ARMH4: variants seen among roughly 807,000 people sequenced by gnomAD.
ARMH4 encodes armadillo like helical domain containing 4, also known as armadillo-like helical domain-containing protein 4.
In ARMH4, 49 loss-of-function variants were observed where a neutral mutation model predicts 61.9. The observed-to-expected ratio is 0.79, with a 90% CI of 0.63 to 1.00. The LOEUF (loss-of-function observed/expected upper bound fraction) is 1.00. ARMH4 is among the 50% of genes least tolerant of loss of function. The pLI, the probability that ARMH4 is intolerant of heterozygous loss-of-function variation, is 0.00. For synonymous variants in ARMH4, 368 were observed against 341.5 expected (o/e 1.08, Z -0.85); for missense variants, 934 against 930.0 (o/e 1.00, Z -0.06).
chr14:58,021,113 C>T lies in ARMH4; in HGVS notation c.2090-8963G>A, dbSNP rs555305101. 2.6e-5 allele frequency among the ~76,000 whole-genome samples: 4 copies of T among 152,334 alleles called. No individual in the cohort carries two copies. In the South Asian group the frequency reaches 8.3e-4, roughly 32 times the overall value. On this transcript the variant is annotated intron_variant, in intron 5 of 7. Coordinates refer to ENST00000267485, the MANE Select transcript of ARMH4 (RefSeq NM_001001872.4). ...GGACTTATTGTTCCATTTAGGCCTTCAGTGGATTGGATGAAGCCCACCTAC... is the reference window on the plus strand; with the variant it reads ...GGACTTATTGTTCCATTTAGGCCTTTAGTGGATTGGATGAAGCCCACCTAC...
chr14:58,112,394 T>A (rs1466338840), intron 4 of ARMH4, among the ~76,000 whole-genome samples: 2 of 152,048 alleles, frequency 1.3e-5, no homozygotes, highest in African/African-American at 2.4e-5. Flanking sequence ...CTCTTAAATT[T>A]TACCACGCAT....
chr14:58,058,601 G>C (rs1047725501), intron 5 of ARMH4, among the ~76,000 whole-genome samples: 1 of 152,078 alleles, frequency 6.6e-6, no homozygotes, highest in Non-Finnish European at 1.5e-5. Context: ...AAACTGTCAC[G>C]GCACTGGTGG....
intron 5 of ARMH4, among the ~76,000 whole-genome samples, chr14:58,032,912 A>C (rs567630299): frequency 6.6e-6 from 1 of 151,464 alleles, no homozygotes; most frequent in Non-Finnish European, 1.5e-5. Context: ...CGCCCACGGA[A>C]TCTCGCTGAT....
At chr14:58,058,809 G>A (rs1884430944) in intron 5 of ARMH4, among the ~76,000 whole-genome samples, 1 of 152,138 alleles carries the variant, frequency 6.6e-6, no homozygotes, top group South Asian at 2.1e-4. Context: ...ATCTTCAGTT[G>A]ATTGAATTCA....
chr14:58,150,919 G>A (rs566468645), intron 1 of ARMH4, among the ~76,000 whole-genome samples: 1 of 152,300 alleles, frequency 6.6e-6, no homozygotes, highest in South Asian at 2.1e-4. Context: ...GACTGTAGAT[G>A]CTTGGCTAAA....
intron 5 of ARMH4, among the ~76,000 whole-genome samples, chr14:58,027,391 G>A (rs1479222760): frequency 6.6e-6 from 1 of 152,184 alleles, no homozygotes; most frequent in Non-Finnish European, 1.5e-5. Context: ...GGAGTCCTCT[G>A]AAGTTTTGTT....
At chr14:58,131,440 C>A (rs2139956520) in intron 4 of ARMH4, 72 bp downstream of exon 4, 4 of 1,284,242 alleles carry the variant, frequency 3.1e-6, no homozygotes, top group East Asian at 4.8e-5. Flanking sequence ...CTACTTAATT[C>A]TTTTTCAAAA....
In ARMH4 at chr14:58,001,663, G is replaced by A. The variant is rs942833203; in HGVS notation, c.*3073C>T. The A allele has an allele frequency of 2.6e-5, 4 of 152,150 alleles. No individual in the cohort carries two copies. Among genetic ancestry groups the A allele is most frequent in the African/African-American group, 9.7e-5 (4 of 41,416 alleles). 9.4% of individuals were successfully genotyped at this position (152,150 alleles called of 1,614,324 possible). Reference sequence around the variant, plus strand: ...ACCTTGTCTCTATCATAAGGAAGTGGTTCTCTAGATAGATCCCTCCTAGCT... The same window carrying A: ...ACCTTGTCTCTATCATAAGGAAGTGATTCTCTAGATAGATCCCTCCTAGCT... On this transcript the variant is annotated 3_prime_UTR_variant, in exon 8 of 8. Transcript: ENST00000267485.
chr14:58,055,759 G>A (rs537100207), intron 5 of ARMH4, among the ~76,000 whole-genome samples: 18 of 152,340 alleles, frequency 1.2e-4, no homozygotes, highest in Non-Finnish European at 1.9e-4. Flanking sequence ...AAGCACTGCT[G>A]TACTTATTTG....
intron 5 of ARMH4, among the ~76,000 whole-genome samples, chr14:58,073,606 AAT>A (rs1006105038): frequency 1.3e-5 from 2 of 152,252 alleles, no homozygotes; most frequent in African/African-American, 4.8e-5. Flanking sequence ...GGGAAAAAAA[AAT>A]AGTCTTCTAA....
chr14:58,115,032 G>A lies in ARMH4; in HGVS notation c.1831+16480C>T, dbSNP rs367983396. Among the ~76,000 whole-genome samples the A allele has an allele frequency of 8.3e-4, 127 of 152,186 alleles. 2 individuals are homozygous for A. The South Asian group carries it at 8.5e-3, about 10-fold the overall frequency. On this transcript the variant is annotated intron_variant, in intron 4 of 7. Transcript: ENST00000267485. ...AAAACCATTCTGGACATTGGCCTTG[G>A]CAAAGAATTTATGACTAAGTCCCCA...
chr14:58,006,759 G>C (rs1477014147), intron 6 of ARMH4, among the ~76,000 whole-genome samples: 1 of 143,302 alleles, frequency 7.0e-6, no homozygotes, highest in Non-Finnish European at 1.5e-5. Context: ...GGGCCCTGTC[G>C]TGGGGTGAGG....
intron 5 of ARMH4, among the ~76,000 whole-genome samples, chr14:58,088,442 G>A (rs543690416): frequency 1.3e-5 from 2 of 150,926 alleles, no homozygotes; most frequent in Admixed American, 6.6e-5. Flanking sequence ...GCACCAGGGT[G>A]TCTTAGCTAA....
At chr14:58,114,192 A>G (rs891775909) in intron 4 of ARMH4, among the ~76,000 whole-genome samples, 1 of 152,088 alleles carries the variant, frequency 6.6e-6, no homozygotes, top group African/African-American at 2.4e-5. Context: ...GAGAATTTAC[A>G]TTTCCTTCTG....
At chr14:58,052,356 A>G (rs1884172494) in intron 5 of ARMH4, among the ~76,000 whole-genome samples, 1 of 152,098 alleles carries the variant, frequency 6.6e-6, no homozygotes, top group Non-Finnish European at 1.5e-5. Context: ...ACAGTTCTCA[A>G]AAGAACTCTG....
intron 1 of ARMH4, among the ~76,000 whole-genome samples, chr14:58,148,269 A>T (rs2140004394): frequency 6.6e-6 from 1 of 152,016 alleles, no homozygotes; most frequent in Non-Finnish European, 1.5e-5. Context: ...CTGGTCTCGA[A>T]CTCTTGGCTT....
chr14:58,117,573 T>A (rs1257333643), intron 4 of ARMH4, among the ~76,000 whole-genome samples: 1 of 152,176 alleles, frequency 6.6e-6, no homozygotes, highest in Admixed American at 6.5e-5. Flanking sequence ...CCTTAATCCA[T>A]CTTTGTGCCC....
At chr14:58,029,989 T>G (rs1445721760) in intron 5 of ARMH4, among the ~76,000 whole-genome samples, 3 of 152,088 alleles carry the variant, frequency 2.0e-5, no homozygotes, top group Non-Finnish European at 4.4e-5. Context: ...CAAAATGCGG[T>G]ATAGACATAC....
intron 4 of ARMH4, among the ~76,000 whole-genome samples, chr14:58,104,023 T>C (rs540072899): frequency 9.2e-5 from 14 of 152,136 alleles, no homozygotes; most frequent in South Asian, 2.1e-4. Flanking sequence ...AAAGAGAGGG[T>C]TGCAGGTAAG....
Sources: gnomAD v4.1 joint callset for allele counts (sites outside exome capture counted in the v4.1 genomes callset) on GRCh38, gnomAD v4.1.1 for gene constraint, MANE v1.5 for transcripts, NCBI Gene and HGNC (gene_info 2026-07-23, HGNC 2026-07-21) for gene names.